LMBR1: variants seen among roughly 807,000 people sequenced by gnomAD.
The protein encoded by LMBR1 is limb development membrane protein 1.
In LMBR1, 52 loss-of-function variants were observed where a neutral mutation model predicts 73.9. That is an observed-to-expected ratio of 0.70 (90% CI 0.56 to 0.89). The LOEUF is 0.89. Ranked by LOEUF, LMBR1 falls within the 40% of genes least tolerant of loss-of-function variation. The probability of loss-of-function intolerance (pLI) is 0.00; values close to 1 mark genes in which losing one functional copy is unlikely to be tolerated. For missense variants in LMBR1, 539 were observed against 579.8 expected, an observed-to-expected ratio of 0.93 and a Z score of 0.72; for synonymous variants, 215 against 209.4, an observed-to-expected ratio of 1.03 and a Z score of -0.23.
At chr7:156,874,349 C>T (rs1027464059) in intron 1 of LMBR1, among the ~76,000 whole-genome samples, 24 of 152,340 alleles carry the variant, frequency 1.6e-4, no homozygotes, top group Middle Eastern at 3.4e-3. Context: ...GGCCCGCAAG[C>T]GCCACACGCA....
chr7:156,873,670 G>A (rs1586384999), intron 1 of LMBR1, among the ~76,000 whole-genome samples: 1 of 152,068 alleles, frequency 6.6e-6, no homozygotes, highest in African/African-American at 2.4e-5. Flanking sequence ...GGTTCTCCAA[G>A]GCCCCACCAG....
At chr7:156,776,064 T>G (rs966190532) in intron 5 of LMBR1, among the ~76,000 whole-genome samples, 2 of 148,656 alleles carry the variant, frequency 1.3e-5, no homozygotes, top group African/African-American at 4.9e-5. Context: ...TTATATATAT[T>G]ATATATGTAA....
At chr7:156,718,615 T>G (rs1427482326) in intron 15 of LMBR1, among the ~76,000 whole-genome samples, 3 of 151,920 alleles carry the variant, frequency 2.0e-5, no homozygotes, top group Non-Finnish European at 2.9e-5. Flanking sequence ...TAGCTGCCAG[T>G]AGTCCCAGCT....
chr7:156,877,699 C>T (rs976133811), intron 1 of LMBR1, among the ~76,000 whole-genome samples: 7 of 151,824 alleles, frequency 4.6e-5, no homozygotes, highest in African/African-American at 1.5e-4. Context: ...CTGGCTAACA[C>T]GATGAAACCC....
intron 1 of LMBR1, among the ~76,000 whole-genome samples, chr7:156,870,657 C>T (rs1319342478): frequency 1.3e-5 from 2 of 151,196 alleles, no homozygotes; most frequent in East Asian, 2.0e-4. Flanking sequence ...CCCAGCTACT[C>T]GGGAGGCTGA....
intron 15 of LMBR1, among the ~76,000 whole-genome samples, chr7:156,691,691 T>C (rs999107022): frequency 2.4e-4 from 36 of 152,124 alleles, no homozygotes; most frequent in African/African-American, 8.4e-4. Flanking sequence ...GACATAAATA[T>C]CCATGGTTTT....
chr7:156,677,961 C>A lies in LMBR1; in HGVS notation c.*6117G>T, dbSNP rs1032181359. Reference sequence around the variant, plus strand: ...ATAGCGTTGACAGGCAAAGCACAGGCACGTGTCAAAGGCCAGAGCAGTCCG... The same window carrying A: ...ATAGCGTTGACAGGCAAAGCACAGGAACGTGTCAAAGGCCAGAGCAGTCCG... On this transcript the variant is annotated 3_prime_UTR_variant, in exon 17 of 17. Transcript: ENST00000353442. 6.6e-6 allele frequency: 1 copy of A among 152,212 alleles called. No individual in the cohort carries two copies. Among genetic ancestry groups the A allele is most frequent in the Non-Finnish European group, 1.5e-5 (1 of 68,046 alleles). The allele number at this position is 152,212 out of a possible 1,614,324, so 9.4% of individuals were successfully genotyped here.
At chr7:156,672,729 A>G (rs1037145646) in intron 4 of LMBR1, among the ~76,000 whole-genome samples, 9 of 152,242 alleles carry the variant, frequency 5.9e-5, no homozygotes, top group African/African-American at 2.2e-4. Context: ...ATGTACATAC[A>G]TATTTATATG....
At chr7:156,723,636 C>A (rs1159085696) in intron 15 of LMBR1, among the ~76,000 whole-genome samples, 2 of 152,102 alleles carry the variant, frequency 1.3e-5, no homozygotes, top group Non-Finnish European at 2.9e-5. Flanking sequence ...TAGGAACTCT[C>A]AAGGGTGTCC....
At chr7:156,718,042 T>A (rs574704973) in intron 15 of LMBR1, among the ~76,000 whole-genome samples, 1 of 152,276 alleles carries the variant, frequency 6.6e-6, no homozygotes, top group East Asian at 1.9e-4. Flanking sequence ...AAAAACACAA[T>A]TTCCTACAAA....
chr7:156,884,294 T>C (rs1218022060), intron 1 of LMBR1, among the ~76,000 whole-genome samples: 1 of 152,116 alleles, frequency 6.6e-6, no homozygotes, highest in Non-Finnish European at 1.5e-5. Flanking sequence ...CTGACTCTTC[T>C]GCTGAACATC....
intron 1 of LMBR1, among the ~76,000 whole-genome samples, chr7:156,874,878 A>C (rs1799928054): frequency 6.6e-6 from 1 of 152,184 alleles, no homozygotes; most frequent in South Asian, 2.1e-4. Context: ...TAATACGACA[A>C]AGAAAAAGTT....
At chr7:156,856,337 A>C (rs893240302) in intron 1 of LMBR1, among the ~76,000 whole-genome samples, 1 of 152,166 alleles carries the variant, frequency 6.6e-6, no homozygotes, top group Non-Finnish European at 1.5e-5. Flanking sequence ...TACTGGAGGC[A>C]CAGGTGGCTT....
intron 15 of LMBR1, among the ~76,000 whole-genome samples, chr7:156,714,954 CT>C (rs58088822): frequency 0.14 from 19,963 of 141,800 alleles, 1,356 homozygotes; most frequent in African/African-American, 0.24. Context: ...ATACTTTTTT[CT>C]TTTTTTTTTT....
chr7:156,676,117 T>G, downstream of LMBR1: 1 of 849,470 alleles, frequency 1.2e-6, no homozygotes, highest in Non-Finnish European at 1.8e-6. Flanking sequence ...ACTTTCCTCA[T>G]GGGCTTTAGG....
At chr7:156,780,246 T>A (rs969588236) in intron 5 of LMBR1, among the ~76,000 whole-genome samples, 4 of 152,270 alleles carry the variant, frequency 2.6e-5, no homozygotes, top group Non-Finnish European at 5.9e-5. Flanking sequence ...AAATTAAAAC[T>A]ATAAGATGCT....
At chr7:156,839,219 T>C (rs867611425) in intron 1 of LMBR1, among the ~76,000 whole-genome samples, 4 of 151,870 alleles carry the variant, frequency 2.6e-5, no homozygotes, top group African/African-American at 7.3e-5. Context: ...CTGGCTAATT[T>C]TGTATTTTTA....
At chr7:156,698,399 C>T (rs1808811696) in intron 15 of LMBR1, among the ~76,000 whole-genome samples, 2 of 152,206 alleles carry the variant, frequency 1.3e-5, no homozygotes, top group Admixed American at 1.3e-4. Flanking sequence ...GGGCTCTGAC[C>T]CCACATTTTC....
chr7:156,796,775 T>C (rs1830119809), intron 4 of LMBR1, among the ~76,000 whole-genome samples: 1 of 152,158 alleles, frequency 6.6e-6, no homozygotes, highest in African/African-American at 2.4e-5. Context: ...GCACAGCCTC[T>C]TTAGACATAT....
Sources: gnomAD v4.1 joint callset for allele counts (sites outside exome capture counted in the v4.1 genomes callset) on GRCh38, gnomAD v4.1.1 for gene constraint, MANE v1.5 for transcripts, NCBI Gene and HGNC (gene_info 2026-07-23, HGNC 2026-07-21) for gene names.